Variants in ANK2 observed in about 807,000 individuals in gnomAD.
ANK2 encodes ankyrin 2, also known as ankyrin-2.
A neutral mutation model predicts 360.5 loss-of-function variants in ANK2; 83 were observed. The ratio of observed to expected loss-of-function variants is 0.23; its 90% CI spans 0.19 to 0.28. The LOEUF (loss-of-function observed/expected upper bound fraction) is 0.28, where lower values mean the gene tolerates loss of function less well. ANK2 is among the 10% of genes least tolerant of loss of function. The pLI, the probability that ANK2 is intolerant of heterozygous loss-of-function variation, is 1.00. For missense variants in ANK2, 4,201 were observed against 4,795.7 expected (o/e 0.88, Z 3.66); for synonymous variants, 1,740 against 1,759.5 (o/e 0.99, Z 0.28).
rs555229159 is a variant in ANK2 at position 112,895,768 on chromosome 4, C to T, written c.-39-8687C>T. Among the ~76,000 whole-genome samples the T allele has an allele frequency of 2.0e-5, 3 of 152,298 alleles. No individual in the cohort carries two copies. In the South Asian group the frequency reaches 6.2e-4, roughly 32 times the overall value. The stretch of plus-strand genomic sequence containing the variant: ...ACATCCCACAAAATCTGTCCTCAAA[C>T]CACAGAGTTTATTTTCCTGAGTATT... On this transcript the variant is annotated intron_variant, in intron 1 of 30. Transcript: ENST00000503271.
At chr4:112,814,039 A>G (rs1324635612), upstream of ANK2, among the ~76,000 whole-genome samples, 2 of 152,210 alleles carry the variant, frequency 1.3e-5, no homozygotes, top group Non-Finnish European at 2.9e-5. Flanking sequence ...CATAAAGGAA[A>G]CAAAAGAAGT....
intron 1 of ANK2, among the ~76,000 whole-genome samples, chr4:113,114,085 A>G (rs1379854051): frequency 6.6e-6 from 1 of 152,132 alleles, no homozygotes; most frequent in African/African-American, 2.4e-5. Context: ...TGGACTTGTG[A>G]TGAGTTTATT....
At chr4:112,957,221 C>G (rs9992123) in intron 2 of ANK2, among the ~76,000 whole-genome samples, 11,698 of 149,054 alleles carry the variant, frequency 0.078, 631 homozygotes, top group African/African-American at 0.17. Flanking sequence ...TGACTCTTAA[C>G]GAGCATGCTG....
chr4:112,807,818 T>C, the ANK2 span, among the ~76,000 whole-genome samples: 1 of 152,270 alleles, frequency 6.6e-6, no homozygotes, highest in African/African-American at 2.4e-5. Flanking sequence ...CTTGGCCCTT[T>C]GCTCTTTGTC....
At chr4:113,030,017 A>T (rs1007098420) in intron 2 of ANK2, among the ~76,000 whole-genome samples, 1 of 152,124 alleles carries the variant, frequency 6.6e-6, no homozygotes, top group African/African-American at 2.4e-5. Context: ...ATGAAAAGTT[A>T]ATAATTATAT....
At chr4:112,968,640 T>C (rs1382775307) in intron 2 of ANK2, among the ~76,000 whole-genome samples, 3 of 152,176 alleles carry the variant, frequency 2.0e-5, no homozygotes, top group Admixed American at 6.5e-5. Flanking sequence ...CTGTTGCCCA[T>C]AGCAACCACC....
the ANK2 span, chr4:112,738,624 T>C: frequency 1.9e-6 from 1 of 538,380 alleles, no homozygotes; most frequent in East Asian, 4.7e-5. Flanking sequence ...ATTCTAGCTC[T>C]TCCTCTGGGC....
the ANK2 span, among the ~76,000 whole-genome samples, chr4:112,744,434 C>T: frequency 6.6e-6 from 1 of 151,652 alleles, no homozygotes; most frequent in Admixed American, 6.6e-5. Flanking sequence ...GTAGCCCCCG[C>T]CTCCCGGGTT....
intron 14 of ANK2, among the ~76,000 whole-genome samples, chr4:113,271,683 G>A (rs1321991833): frequency 1.3e-5 from 2 of 152,236 alleles, no homozygotes; most frequent in Non-Finnish European, 2.9e-5. Context: ...TAAGTCATAT[G>A]TTTTGCCTAT....
At chr4:113,186,351 A>G (rs2098522872) in intron 2 of ANK2, among the ~76,000 whole-genome samples, 1 of 152,210 alleles carries the variant, frequency 6.6e-6, no homozygotes, top group Non-Finnish European at 1.5e-5. Context: ...AAGGAATAGC[A>G]TCAACATCAA....
At chr4:112,925,622 G>T (rs1379755251) in intron 2 of ANK2, among the ~76,000 whole-genome samples, 2 of 152,066 alleles carry the variant, frequency 1.3e-5, no homozygotes, top group African/African-American at 2.4e-5. Context: ...ATACCTCAAA[G>T]AAATTTTTAA....
chr4:113,351,886 A>G (rs906989746), intron 37 of ANK2, among the ~76,000 whole-genome samples: 1 of 152,208 alleles, frequency 6.6e-6, no homozygotes, highest in African/African-American at 2.4e-5. Flanking sequence ...ACTAATCTCT[A>G]AAGAAGTGCT....
intron 17 of ANK2, among the ~76,000 whole-genome samples, chr4:113,280,139 C>T (rs1563381978): frequency 6.6e-6 from 1 of 151,924 alleles, no homozygotes; most frequent in African/African-American, 2.4e-5. Flanking sequence ...TTCATTAGTA[C>T]TCATGAGTAC....
the ANK2 span, among the ~76,000 whole-genome samples, chr4:112,772,135 C>T: frequency 6.6e-6 from 1 of 152,134 alleles, no homozygotes; most frequent in Non-Finnish European, 1.5e-5. Flanking sequence ...TAAAGACATA[C>T]CCGAGACTGG....
chr4:112,947,994 TG>T (rs1369580841), intron 2 of ANK2, among the ~76,000 whole-genome samples: 2 of 152,244 alleles, frequency 1.3e-5, no homozygotes, highest in African/African-American at 4.8e-5. Context: ...CTTAGTGCTC[TG>T]AGCACTCTTC....
the ANK2 span, among the ~76,000 whole-genome samples, chr4:112,718,845 C>T: frequency 1.3e-5 from 2 of 152,122 alleles, no homozygotes; most frequent in Non-Finnish European, 2.9e-5. Flanking sequence ...CCATGTTGGT[C>T]AGGCTGGTCT....
chr4:113,204,385 T>C (rs2098912865), intron 4 of ANK2, among the ~76,000 whole-genome samples: 1 of 152,178 alleles, frequency 6.6e-6, no homozygotes, highest in South Asian at 2.1e-4. Flanking sequence ...ATGACTTTTT[T>C]ATAGAAGAAG....
At chr4:113,238,498 C>G (rs199575991) in intron 7 of ANK2, among the ~76,000 whole-genome samples, 2 of 152,250 alleles carry the variant, frequency 1.3e-5, no homozygotes, top group East Asian at 3.9e-4. Flanking sequence ...TTGCATGGAA[C>G]CTAGGTCAGA....
intron 9 of ANK2, among the ~76,000 whole-genome samples, chr4:113,246,872 T>C (rs989020283): frequency 2.6e-5 from 4 of 152,198 alleles, no homozygotes; most frequent in Admixed American, 6.5e-5. Flanking sequence ...TGAGAATATA[T>C]GGAGGTCTTC....
Sources: allele counts gnomAD v4.1 joint callset (sites outside exome capture counted in the v4.1 genomes callset), GRCh38; gene constraint gnomAD v4.1.1; transcripts MANE v1.5; gene names NCBI Gene and HGNC (gene_info 2026-07-23, HGNC 2026-07-21).